Variants in EFHB observed in about 807,000 individuals in gnomAD.
The protein encoded by EFHB is EF-hand domain-containing family member B.
A neutral mutation model predicts 87.2 loss-of-function variants in EFHB; 91 were observed. That is an observed-to-expected ratio of 1.04 (90% CI 0.88 to 1.24). EFHB has a LOEUF of 1.24. EFHB is among the 50% of genes most tolerant of loss of function. The pLI, the probability that EFHB is intolerant of heterozygous loss-of-function variation, is 0.00. For synonymous variants in EFHB, 325 were observed against 333.6 expected (o/e 0.97, Z 0.28); for missense variants, 1,084 against 998.8 (o/e 1.09, Z -1.15).
chr3:19,927,333 C>T (rs1376296245), intron 1 of EFHB, among the ~76,000 whole-genome samples: 1 of 152,226 alleles, frequency 6.6e-6, no homozygotes, highest in Non-Finnish European at 1.5e-5. Context: ...CAGGCCTCCA[C>T]ACAGAGGACC....
chr3:19,902,092 TG>T (rs1368198888), intron 6 of EFHB, among the ~76,000 whole-genome samples: 4 of 152,208 alleles, frequency 2.6e-5, no homozygotes, highest in Admixed American at 6.5e-5. Flanking sequence ...GAAGTATCTG[TG>T]GGCAACCATG....
chr3:19,884,118 G>A (rs567709083), intron 11 of EFHB, among the ~76,000 whole-genome samples: 1 of 152,304 alleles, frequency 6.6e-6, no homozygotes, highest in East Asian at 1.9e-4. Context: ...TTAATACTTG[G>A]TGGAGTCTGA....
rs750485784 is a variant in EFHB, at chr3:19,896,830, G to A, written c.1582C>T (p.Leu528Phe). The A allele has an allele frequency of 6.8e-6, 11 of 1,612,526 alleles. 1 individual carries two copies. Among genetic ancestry groups the A allele is most frequent in the South Asian group, 2.2e-5 (2 of 90,970 alleles). Residue 528 changes from leucine to phenylalanine, a missense_variant, in exon 9 of 13, where the codon CTC (leucine) becomes TTC (phenylalanine). By Grantham distance (22) the Leu-to-Phe change is conservative. Coordinates refer to ENST00000295824, the MANE Select transcript of EFHB (RefSeq NM_144715.4). Reference sequence around the variant, plus strand: ...TCATCCGGAAGTCTATTATGGATGAGATCACCAACTCCTATTGAAGAGAGA... The same window carrying A: ...TCATCCGGAAGTCTATTATGGATGAAATCACCAACTCCTATTGAAGAGAGA... ...LRPEEYGVGD[L>F]IHNRLPDEYL...
chr3:19,879,888 T>C (rs1397133634), intron 12 of EFHB, 84 bp from the exon 13 acceptor site: 20 of 1,365,928 alleles, frequency 1.5e-5, no homozygotes, highest in Middle Eastern at 2.6e-4. Flanking sequence ...TCTAAGACTA[T>C]GGATATTTTT....
chr3:19,926,471 C>A (rs1321655998), intron 1 of EFHB, among the ~76,000 whole-genome samples: 1 of 152,162 alleles, frequency 6.6e-6, no homozygotes, highest in Admixed American at 6.5e-5. Context: ...TCACGCCATT[C>A]TCCTGCCTCA....
chr3:19,926,043 A>C (rs759506697), intron 1 of EFHB, among the ~76,000 whole-genome samples: 1 of 152,178 alleles, frequency 6.6e-6, no homozygotes, highest in Non-Finnish European at 1.5e-5. Context: ...ATACAAAATA[A>C]ATCTTTTTAC....
intron 9 of EFHB, among the ~76,000 whole-genome samples, chr3:19,891,311 C>G (rs1392144521): frequency 2.6e-5 from 4 of 152,138 alleles, no homozygotes; most frequent in East Asian, 1.9e-4. Context: ...CTGCCTCAGC[C>G]TCCCAAAATG....
intron 1 of EFHB, among the ~76,000 whole-genome samples, chr3:19,924,659 G>C (rs1695555574): frequency 2.0e-5 from 3 of 152,098 alleles, no homozygotes; most frequent in Admixed American, 1.3e-4. Flanking sequence ...CTTCAAGTTT[G>C]TTTTATATCT....
At chr3:19,917,546 G>A (rs1157223727) in intron 4 of EFHB, among the ~76,000 whole-genome samples, 1 of 152,076 alleles carries the variant, frequency 6.6e-6, no homozygotes, top group Non-Finnish European at 1.5e-5. Flanking sequence ...GATCTCCTAT[G>A]GTAAGACTCC....
intron 5 of EFHB, among the ~76,000 whole-genome samples, chr3:19,914,659 A>G (rs942426943): frequency 6.6e-6 from 1 of 152,220 alleles, no homozygotes; most frequent in Non-Finnish European, 1.5e-5. Flanking sequence ...AGATAAGAAT[A>G]TATAATGATC....
intron 11 of EFHB, 41 bp from the exon 12 acceptor site, chr3:19,882,772 A>C: frequency 6.4e-7 from 1 of 1,573,660 alleles, no homozygotes; most frequent in Non-Finnish European, 8.7e-7. Context: ...ATTCTAAAAC[A>C]AAGCTGTGTA....
intron 9 of EFHB, among the ~76,000 whole-genome samples, chr3:19,895,610 G>C (rs770549548): frequency 2.6e-5 from 4 of 152,070 alleles, no homozygotes; most frequent in Non-Finnish European, 5.9e-5. Context: ...ATTATGGCAG[G>C]TTCTCTTATT....
intron 1 of EFHB, among the ~76,000 whole-genome samples, chr3:19,924,872 A>C (rs897486853): frequency 6.6e-6 from 1 of 152,118 alleles, no homozygotes. Flanking sequence ...AAAGTATAAT[A>C]ATAAAAAAAA....
At chr3:19,941,401 C>A in intron 1 of EFHB, 1 of 165,256 alleles carries the variant, frequency 6.1e-6, no homozygotes, top group Non-Finnish European at 1.3e-5. Flanking sequence ...TGTCAGACAG[C>A]TCTCTTATTC....
chr3:19,923,207 C>T (rs377541707), intron 1 of EFHB, among the ~76,000 whole-genome samples: 21 of 151,346 alleles, frequency 1.4e-4, no homozygotes, highest in African/African-American at 4.8e-4. Flanking sequence ...GCGGAGGTTG[C>T]AGTGAGCCGA....
rs1329530750 is a variant in EFHB at position 19,899,431 on chromosome 3, C to T, written c.1502+1G>A. On this transcript the variant is annotated splice_donor_variant, in intron 7 of 12. Coordinates refer to ENST00000295824, the MANE Select transcript of EFHB (RefSeq NM_144715.4). LOFTEE classifies it high-confidence loss of function. ...CAATTTGAAGTTAATCATTAACTTA[C>T]GGATCTAAAACTCTTCCAAGTTTAT... 1.5e-5 allele frequency: 24 copies of T among 1,586,534 alleles called. No homozygotes were observed. Among genetic ancestry groups the T allele is most frequent in the Admixed American group, 1.3e-4 (7 of 55,530 alleles).
Position 19,917,865 on chromosome 3 carries a change from C to T in EFHB, c.1177+367G>A, listed in dbSNP as rs117719626. On this transcript the variant is annotated intron_variant, in intron 4 of 12. Coordinates refer to ENST00000295824, the MANE Select transcript of EFHB (RefSeq NM_144715.4). ...CATGAACTCTGTTGCATAAAGAGTT[C>T]GGAGTCATGAACACATGTGAAGCAC... 3.1e-4 allele frequency among the ~76,000 whole-genome samples: 47 copies of T among 152,222 alleles called. No individual in the cohort carries two copies. In the East Asian group the frequency reaches 8.1e-3, roughly 26 times the overall value.
intron 5 of EFHB, among the ~76,000 whole-genome samples, chr3:19,911,000 T>C (rs1695044781): frequency 6.6e-6 from 1 of 152,152 alleles, no homozygotes; most frequent in South Asian, 2.1e-4. Flanking sequence ...GCACAGACAG[T>C]GAGGACTACA....
At chr3:19,930,798 G>A (rs973753739) in intron 1 of EFHB, among the ~76,000 whole-genome samples, 1 of 151,922 alleles carries the variant, frequency 6.6e-6, no homozygotes, top group African/African-American at 2.4e-5. Context: ...GCAGAGTCTT[G>A]CTATGTTGCC....
Sources: gnomAD v4.1 joint callset for allele counts (sites outside exome capture counted in the v4.1 genomes callset) on GRCh38, gnomAD v4.1.1 for gene constraint, MANE v1.5 for transcripts, NCBI Gene and HGNC (gene_info 2026-07-23, HGNC 2026-07-21) for gene names.